Variants in SMG1 observed in about 807,000 individuals in gnomAD.
SMG1 encodes the protein serine/threonine-protein kinase SMG1.
SMG1 carries 22 observed loss-of-function variants against 419.9 expected under a neutral mutation model. The observed-to-expected ratio is 0.05, with a 90% CI of 0.04 to 0.07. SMG1 has a LOEUF of 0.07. Among genes scored for constraint, SMG1 ranks in the 10% least tolerant of loss-of-function variants. The pLI is 1.00. For missense variants in SMG1, 3,185 were observed against 4,342.0 expected (o/e 0.73, Z 7.49); for synonymous variants, 1,538 against 1,553.5 (o/e 0.99, Z 0.23).
intron 1 of SMG1, among the ~76,000 whole-genome samples, chr16:18,924,336 T>C (rs531554714): frequency 1.3e-5 from 2 of 152,374 alleles, no homozygotes; most frequent in African/African-American, 4.8e-5. Context: ...CTCTTCTCTA[T>C]TTATTTAGAA....
rs1390263624 is a variant in SMG1 at position 18,819,600 on chromosome 16, C to A, written c.9796G>T (p.Gly3266Cys). The change falls in exon 56 of 63, where the codon GGT (glycine) becomes TGT (cysteine). Residue 3266 changes from glycine to cysteine, a missense_variant. Physicochemically the swap from Gly to Cys is radical, Grantham distance 159. This residue lies in a region of SMG1 where 737 missense variants were observed against 846.6 expected (regional missense o/e 0.87). Coordinates refer to ENST00000446231, the MANE Select transcript of SMG1 (RefSeq NM_015092.5). ...SIEQRLKWAG[G>C]ANPALAPVLQ... ...ACAGGGGCCAATGCAGGGTTGGCAC[C>A]ACCTGCCCACTTGAGTCGCTGTTCA... The A allele has an allele frequency of 6.3e-7, 1 of 1,594,620 alleles. No individual in the cohort carries two copies. The highest frequency in any genetic ancestry group is 8.5e-7 in the Non-Finnish European group (1 of 1,169,986).
intron 15 of SMG1, among the ~76,000 whole-genome samples, chr16:18,871,981 G>C (rs2035849634): frequency 6.6e-6 from 1 of 151,976 alleles, no homozygotes; most frequent in Non-Finnish European, 1.5e-5. Context: ...GGTTTTTCAT[G>C]TATTTCTTTT....
chr16:18,909,416 C>T (rs1224250054), intron 1 of SMG1, among the ~76,000 whole-genome samples: 5 of 151,924 alleles, frequency 3.3e-5, no homozygotes, highest in African/African-American at 1.2e-4. Context: ...CAGTAGCTCA[C>T]ACCTGTAATC....
intron 3 of SMG1, among the ~76,000 whole-genome samples, chr16:18,893,293 T>C (rs1395157645): frequency 1.3e-5 from 2 of 152,150 alleles, no homozygotes; most frequent in African/African-American, 4.8e-5. Context: ...AAGCAAACAA[T>C]AGTGAATACT....
In SMG1 at chr16:18,890,921, C is replaced by G. The variant is rs1258436822; in HGVS notation, c.550G>C (p.Val184Leu). The G allele has an allele frequency of 6.6e-7, 1 of 1,505,100 alleles. No individual in the cohort carries two copies. Among genetic ancestry groups the G allele is most frequent in the African/African-American group, 1.4e-5 (1 of 72,540 alleles). 93.2% of individuals were successfully genotyped at this position (1,505,100 alleles called of 1,614,324 possible). A position where few individuals can be genotyped will look rare whatever the true frequency, so the allele number is the denominator to read the frequency against. ...EFIQQPENKL[V>L]LVKQLDNILA... ...ATATTATCCAATTGTTTAACTAGTACCTTTAAAAGAAAACACATTTATAAA... is the reference window on the plus strand; with the variant it reads ...ATATTATCCAATTGTTTAACTAGTAGCTTTAAAAGAAAACACATTTATAAA... The change falls in exon 5 of 63, where the codon GTA (valine) becomes CTA (leucine). Residue 184 changes from valine (V) to leucine (L), a missense_variant and splice_region_variant. By Grantham distance (32) the Val-to-Leu change is conservative. This residue lies in a region of SMG1 where 20 missense variants were observed against 54.7 expected (regional missense o/e 0.37). Transcript: ENST00000446231.
chr16:18,857,571 T>C (rs558665887), intron 29 of SMG1: 15 of 152,324 alleles, frequency 9.8e-5, no homozygotes, highest in African/African-American at 3.4e-4. Flanking sequence ...TCACTACATA[T>C]GCACCACAGT....
chr16:18,866,427 G>A, intron 23 of SMG1, 194 bp downstream of exon 23: 5 of 610,066 alleles, frequency 8.2e-6, no homozygotes, highest in Non-Finnish European at 1.4e-5. Flanking sequence ...TAATTCTTCA[G>A]TAAGAAAGGC....
At chr16:18,908,740 C>A (rs527930858) in intron 1 of SMG1, among the ~76,000 whole-genome samples, 1 of 151,780 alleles carries the variant, frequency 6.6e-6, no homozygotes, top group Admixed American at 6.6e-5. Flanking sequence ...ATTAGCCAGG[C>A]GTGGTGGCAG....
chr16:18,887,681 A>AAAAG (rs1015785679), intron 6 of SMG1, among the ~76,000 whole-genome samples: 1 of 143,708 alleles, frequency 7.0e-6, no homozygotes, highest in African/African-American at 2.5e-5. Context: ...TTAAAAAAAA[A>AAAAG]AAAAAAAAAA....
Position 18,896,737 on chromosome 16 carries a change from A to C in SMG1, c.256+56T>G, listed in dbSNP as rs2037143868. 3 of 1,353,588 alleles carry C rather than the reference A, an allele frequency of 2.2e-6. No individual in the cohort carries two copies. In the South Asian group the frequency reaches 3.7e-5, roughly 16 times the overall value. 83.8% of individuals were successfully genotyped at this position (1,353,588 alleles called of 1,614,324 possible). On this transcript the variant is annotated intron_variant, in intron 2 of 62. Transcript: ENST00000446231. The stretch of plus-strand genomic sequence containing the variant: ...AAGTTGGGGGTATAAGAAGGCAGGA[A>C]GGTGAGACAGGTAGGTTCAAAAAAC...
At chr16:18,832,581 T>TGCGC (rs199964799) in intron 51 of SMG1, among the ~76,000 whole-genome samples, 6 of 81,534 alleles carry the variant, frequency 7.4e-5, no homozygotes, top group African/African-American at 3.5e-4. Context: ...ACTATACACT[T>TGCGC]GCACACACAC....
intron 56 of SMG1, among the ~76,000 whole-genome samples, chr16:18,818,235 C>T (rs924525977): frequency 5.9e-5 from 9 of 151,796 alleles, no homozygotes; most frequent in Admixed American, 3.3e-4. Flanking sequence ...ATACAAAAAA[C>T]TTAGCTGGGC....
At position 18,829,501 on chromosome 16, in the gene SMG1, T is replaced by C. The variant is rs2141205021; in HGVS notation, c.9388A>G (p.Ser3130Gly). 6.2e-7 allele frequency: 1 copy of C among 1,614,022 alleles called. No individual in the cohort carries two copies. The highest frequency in any genetic ancestry group is 8.5e-7 in the Non-Finnish European group (1 of 1,179,890). The change falls in exon 54 of 63, where the codon AGC becomes GGC. Residue 3130 changes from serine to glycine, a missense_variant. By Grantham distance (56) the Ser-to-Gly change is moderately conservative. Coordinates refer to ENST00000446231, the MANE Select transcript of SMG1 (RefSeq NM_015092.5). ...QVEAKDFGAE[S>G]KVSVDDLCKK... ...CAGAGATCATCAACAGAAACTTTGC[T>C]TTCGGCACCAAAGTCCTTTGCCTCT... is the stretch of plus-strand genomic sequence containing the variant.
chr16:18,858,430 T>A (rs979467888), intron 28 of SMG1, 140 bp from the exon 29 acceptor site: 1 of 523,632 alleles, frequency 1.9e-6, no homozygotes, highest in African/African-American at 2.0e-5. Flanking sequence ...TATTACACTA[T>A]ACCCTTACAT....
chr16:18,883,437 A>C (rs925228989), intron 9 of SMG1, among the ~76,000 whole-genome samples: 4 of 152,248 alleles, frequency 2.6e-5, no homozygotes, highest in Admixed American at 6.5e-5. Context: ...TTTTTTTATA[A>C]CACCACATCA....
chr16:18,809,407 G>A lies in SMG1; in HGVS notation c.*162C>T. 1 of 636,766 alleles carries A rather than the reference G, an allele frequency of 1.6e-6. No homozygotes were observed. Among genetic ancestry groups the A allele is most frequent in the East Asian group, 2.8e-5 (1 of 35,714 alleles). The allele number at this position is 636,766 out of a possible 1,614,324, so 39.4% of individuals were successfully genotyped here. ...GCGTATCCCTGAGTGCAGCTGTCCT[G>A]CGGGATTCACTTCCTAGTGCACCGA... On this transcript the variant is annotated 3_prime_UTR_variant, in exon 63 of 63. Coordinates refer to ENST00000446231, the MANE Select transcript of SMG1 (RefSeq NM_015092.5).
chr16:18,861,174 C>T (rs1433571239), intron 25 of SMG1: 11 of 34,062 alleles, frequency 3.2e-4, no homozygotes, highest in Non-Finnish European at 8.5e-4. Flanking sequence ...TCCTCACCTA[C>T]AGCATGAGCC....
At position 18,847,733 on chromosome 16, in the gene SMG1, C is replaced by T. The variant is rs764759034; in HGVS notation, c.5841+83G>A. The T allele has an allele frequency of 2.8e-5, 44 of 1,564,304 alleles. No individual in the cohort carries two copies. The South Asian group carries it at 4.9e-4, about 18-fold the overall frequency. ...CATTATACAATTGGAGAACCCTGACCAGTGATTGTCAATACAGATTGGCAA... is the reference window on the plus strand; with the variant it reads ...CATTATACAATTGGAGAACCCTGACTAGTGATTGTCAATACAGATTGGCAA... On this transcript the variant is annotated intron_variant, in intron 37 of 62. Transcript: ENST00000446231.
At chr16:18,921,308 T>C (rs1274945008) in intron 1 of SMG1, among the ~76,000 whole-genome samples, 2 of 152,064 alleles carry the variant, frequency 1.3e-5, no homozygotes, top group African/African-American at 4.8e-5. Context: ...ATTGCACCAC[T>C]GCACTCCAGC....
Sources: allele counts gnomAD v4.1 joint callset (sites outside exome capture counted in the v4.1 genomes callset), GRCh38; gene constraint gnomAD v4.1.1; regional missense constraint gnomAD v4.1.1; transcripts MANE v1.5; gene names NCBI Gene and HGNC (gene_info 2026-07-23, HGNC 2026-07-21).